The following LDLRAD4 variants were observed in gnomAD, a reference collection of about 807,000 sequenced individuals.
LDLRAD4 encodes the protein low density lipoprotein receptor class A domain containing 4.
A neutral mutation model predicts 17.0 loss-of-function variants in LDLRAD4; 5 were observed. The ratio of observed to expected loss-of-function variants is 0.29; its 90% CI spans 0.15 to 0.62. LDLRAD4 has a LOEUF of 0.62. Ranked by LOEUF, LDLRAD4 falls within the 20% of genes least tolerant of loss-of-function variation. The pLI is 0.84. For missense variants in LDLRAD4, 340 were observed against 424.7 expected (o/e 0.80, Z 1.75); for synonymous variants, 168 against 171.8 (o/e 0.98, Z 0.17).
chr18:13,272,491 A>G (rs1307165976), intron 1 of LDLRAD4, among the ~76,000 whole-genome samples: 1 of 152,086 alleles, frequency 6.6e-6, no homozygotes, highest in Non-Finnish European at 1.5e-5. Flanking sequence ...GGAGAAGAAC[A>G]CTCAAACACA....
At chr18:13,344,490 G>A (rs2082563838) in intron 1 of LDLRAD4, among the ~76,000 whole-genome samples, 1 of 133,402 alleles carries the variant, frequency 7.5e-6, no homozygotes, top group African/African-American at 2.6e-5. Flanking sequence ...CTGTAGCTTT[G>A]TAGTATAGTT....
At chr18:13,612,333 G>A (rs2039648229) in intron 3 of LDLRAD4, 2 of 1,111,698 alleles carry the variant, frequency 1.8e-6, no homozygotes, top group African/African-American at 3.2e-5. Context: ...AGTGCCCTGG[G>A]TGTACAGCTG....
At chr18:13,378,045 A>G (rs953184663) in intron 1 of LDLRAD4, among the ~76,000 whole-genome samples, 2 of 152,250 alleles carry the variant, frequency 1.3e-5, no homozygotes, top group Non-Finnish European at 1.5e-5. Flanking sequence ...GTTTGATTTA[A>G]GAGGCACTTG....
chr18:13,417,435 C>CT (rs58522143), intron 2 of LDLRAD4, among the ~76,000 whole-genome samples: 13,741 of 139,286 alleles, frequency 0.099, 1,191 homozygotes, highest in African/African-American at 0.23. Context: ...TGCTGTTTTT[C>CT]TTTTTTTTTT....
intron 3 of LDLRAD4, among the ~76,000 whole-genome samples, chr18:13,602,135 A>C (rs987277907): frequency 3.9e-5 from 6 of 152,224 alleles, no homozygotes; most frequent in African/African-American, 1.4e-4. Flanking sequence ...AGAAATGGGA[A>C]CAATAGAAAC....
intron 3 of LDLRAD4, among the ~76,000 whole-genome samples, chr18:13,450,261 A>C: frequency 6.8e-6 from 1 of 147,884 alleles, no homozygotes; most frequent in East Asian, 2.0e-4. Context: ...GTCTGCTCTC[A>C]TGTTAGGAGA....
intron 2 of LDLRAD4, among the ~76,000 whole-genome samples, chr18:13,417,501 C>T (rs1333848967): frequency 1.3e-5 from 2 of 150,606 alleles, no homozygotes; most frequent in South Asian, 2.1e-4. Context: ...GGCGCGATCT[C>T]GGCTCACTGC....
chr18:13,400,316 A>C (rs1409315054), intron 2 of LDLRAD4, among the ~76,000 whole-genome samples: 1 of 152,340 alleles, frequency 6.6e-6, no homozygotes, highest in East Asian at 1.9e-4. Context: ...CATATAAAAA[A>C]GTGCCACGGG....
intron 3 of LDLRAD4, among the ~76,000 whole-genome samples, chr18:13,517,937 G>A (rs117475773): frequency 0.022 from 3,416 of 152,098 alleles, 68 homozygotes; most frequent in South Asian, 0.11. Flanking sequence ...ATGGGGTTTC[G>A]CTGTGTTAGG....
chr18:13,364,392 C>T (rs530646222), intron 1 of LDLRAD4, among the ~76,000 whole-genome samples: 6 of 152,164 alleles, frequency 3.9e-5, no homozygotes, highest in East Asian at 3.9e-4. Context: ...GGCTGAAGTG[C>T]GGTGGTGTGG....
intron 4 of LDLRAD4, among the ~76,000 whole-genome samples, chr18:13,623,303 G>C (rs549894324): frequency 6.6e-6 from 1 of 152,384 alleles, no homozygotes; most frequent in African/African-American, 2.4e-5. Flanking sequence ...CTGCGTGGCA[G>C]GTGAAGACAT....
intron 1 of LDLRAD4, among the ~76,000 whole-genome samples, chr18:13,253,183 G>C (rs1451827684): frequency 2.0e-5 from 3 of 152,126 alleles, no homozygotes; most frequent in Non-Finnish European, 4.4e-5. Context: ...TGTGCTGTCA[G>C]GACCCGAGAA....
At chr18:13,246,354 G>C (rs1309053460) in intron 1 of LDLRAD4, among the ~76,000 whole-genome samples, 1 of 152,202 alleles carries the variant, frequency 6.6e-6, no homozygotes, top group Non-Finnish European at 1.5e-5. Context: ...GTGCATTCTG[G>C]TGCATTTCTG....
At chr18:13,352,037 G>T (rs11661280) in intron 1 of LDLRAD4, among the ~76,000 whole-genome samples, 30,151 of 152,110 alleles carry the variant, frequency 0.2, 3,651 homozygotes, top group South Asian at 0.27. Context: ...AATAGATGCA[G>T]AAAAGGCCTT....
chr18:13,226,841 G>T (rs991040129), intron 1 of LDLRAD4, among the ~76,000 whole-genome samples: 1 of 152,100 alleles, frequency 6.6e-6, no homozygotes, highest in Non-Finnish European at 1.5e-5. Context: ...GATACGATGG[G>T]CATAGACTGC....
intron 3 of LDLRAD4, among the ~76,000 whole-genome samples, chr18:13,571,543 A>G (rs2094690451): frequency 6.6e-6 from 1 of 152,238 alleles, no homozygotes; most frequent in Non-Finnish European, 1.5e-5. Context: ...AAGCTCACGC[A>G]TGATGGCGTT....
At chr18:13,571,914 G>A (rs2094697903) in intron 3 of LDLRAD4, among the ~76,000 whole-genome samples, 1 of 152,194 alleles carries the variant, frequency 6.6e-6, no homozygotes. Context: ...AGGATTACAG[G>A]CGTGAGCTAC....
intron 3 of LDLRAD4, among the ~76,000 whole-genome samples, chr18:13,517,492 C>T (rs780568387): frequency 2.6e-5 from 4 of 152,296 alleles, no homozygotes; most frequent in Admixed American, 6.5e-5. Context: ...GTGAGGCTTC[C>T]TTAGATGTCT....
At chr18:13,612,427 T>C in intron 3 of LDLRAD4, 1 of 1,261,496 alleles carries the variant, frequency 7.9e-7, no homozygotes, top group Non-Finnish European at 1.0e-6. Flanking sequence ...TTTCTGTTGA[T>C]GGCAGTTGAT....
Sources: gnomAD v4.1 joint callset for allele counts (sites outside exome capture counted in the v4.1 genomes callset) on GRCh38, gnomAD v4.1.1 for gene constraint, MANE v1.5 for transcripts, NCBI Gene and HGNC (gene_info 2026-07-23, HGNC 2026-07-21) for gene names.